Variants in CSMD3 observed in about 807,000 individuals in gnomAD.
The protein encoded by CSMD3 is CUB and sushi domain-containing protein 3.
CSMD3 carries 177 observed loss-of-function variants against 435.2 expected under a neutral mutation model. That is an observed-to-expected ratio of 0.41 (90% CI 0.36 to 0.46). The LOEUF (loss-of-function observed/expected upper bound fraction) is 0.46, where lower values mean the gene tolerates loss of function less well. CSMD3 is among the 20% of genes least tolerant of loss of function. CSMD3 has a pLI of 0.34. For missense variants in CSMD3, 4,265 were observed against 4,504.6 expected (o/e 0.95, Z 1.52); for synonymous variants, 1,656 against 1,520.5 (o/e 1.09, Z -2.07).
chr8:113,306,092 TATAG>T (rs2093818522), intron 2 of CSMD3, among the ~76,000 whole-genome samples: 1 of 152,182 alleles, frequency 6.6e-6, no homozygotes, highest in African/African-American at 2.4e-5. Context: ...TCATTAATAT[TATAG>T]ATAAATAACA....
chr8:112,542,345 G>GAAAAAAAAA (rs200297769), intron 27 of CSMD3, among the ~76,000 whole-genome samples: 1 of 83,430 alleles, frequency 1.2e-5, no homozygotes, highest in Non-Finnish European at 2.6e-5. Flanking sequence ...CCTCCAAAAT[G>GAAAAAAAAA]AAAAAAAAAA....
intron 1 of CSMD3, among the ~76,000 whole-genome samples, chr8:113,331,507 T>A (rs2132772138): frequency 1.3e-5 from 2 of 151,790 alleles, no homozygotes; most frequent in South Asian, 4.1e-4. Flanking sequence ...CAATATTCCT[T>A]ATGAATATTG....
chr8:112,348,365 A>G (rs1402599014), intron 40 of CSMD3, among the ~76,000 whole-genome samples: 1 of 152,186 alleles, frequency 6.6e-6, no homozygotes, highest in Admixed American at 6.5e-5. Flanking sequence ...AAAATCTCAC[A>G]TAAATTTTCC....
intron 22 of CSMD3, among the ~76,000 whole-genome samples, chr8:112,628,119 T>C (rs1834639857): frequency 6.6e-6 from 1 of 152,154 alleles, no homozygotes; most frequent in African/African-American, 2.4e-5. Flanking sequence ...AGGACATGTG[T>C]ATTGGTCCCT....
chr8:113,004,583 G>A (rs963832672), intron 6 of CSMD3, among the ~76,000 whole-genome samples: 1 of 151,966 alleles, frequency 6.6e-6, no homozygotes, highest in African/African-American at 2.4e-5. Context: ...GTAGGAAGAT[G>A]ATTCCATTTC....
intron 5 of CSMD3, among the ~76,000 whole-genome samples, chr8:113,077,833 G>A (rs2089408086): frequency 6.6e-6 from 1 of 152,104 alleles, no homozygotes; most frequent in African/African-American, 2.4e-5. Flanking sequence ...TATTTCTAAT[G>A]AAACAGTATG....
intron 3 of CSMD3, among the ~76,000 whole-genome samples, chr8:113,206,162 C>T (rs1171557960): frequency 6.6e-6 from 1 of 151,844 alleles, no homozygotes; most frequent in East Asian, 1.9e-4. Flanking sequence ...TTTGCTGACC[C>T]CCAAGAACGA....
intron 12 of CSMD3, among the ~76,000 whole-genome samples, chr8:112,805,655 T>C (rs1375530904): frequency 6.6e-6 from 1 of 152,218 alleles, no homozygotes; most frequent in Non-Finnish European, 1.5e-5. Flanking sequence ...TCAGAAACTT[T>C]AGTACTTTGC....
chr8:113,278,882 A>G (rs2093591956), intron 2 of CSMD3, among the ~76,000 whole-genome samples, 178 bp from the exon 3 acceptor site: 2 of 151,834 alleles, frequency 1.3e-5, no homozygotes, highest in Non-Finnish European at 2.9e-5. Flanking sequence ...TTTGGACTTC[A>G]GCCCTCCAGA....
intron 10 of CSMD3, among the ~76,000 whole-genome samples, chr8:112,883,487 GT>G (rs1320323574): frequency 4.6e-5 from 7 of 151,952 alleles, no homozygotes; most frequent in Admixed American, 3.3e-4. Context: ...CTAACAAATA[GT>G]TTAAAAAATA....
intron 1 of CSMD3, among the ~76,000 whole-genome samples, chr8:113,415,156 A>T (rs955729225): frequency 2.0e-5 from 3 of 152,198 alleles, no homozygotes; most frequent in Non-Finnish European, 4.4e-5. Context: ...TAGAGAAAAT[A>T]CGGCAGATTC....
intron 49 of CSMD3, among the ~76,000 whole-genome samples, chr8:112,312,263 GT>G (rs909358730): frequency 6.6e-6 from 1 of 151,560 alleles, no homozygotes; most frequent in Admixed American, 6.6e-5. Flanking sequence ...CAGTTTTTTG[GT>G]TTTTTTTGAG....
At chr8:113,027,336 CA>C (rs973877920) in intron 5 of CSMD3, among the ~76,000 whole-genome samples, 1 of 151,576 alleles carries the variant, frequency 6.6e-6, no homozygotes, top group Admixed American at 6.6e-5. Flanking sequence ...CAAAAATACT[CA>C]AAAAAATAAA....
chr8:113,078,276 T>A (rs966950672), intron 5 of CSMD3, among the ~76,000 whole-genome samples: 10 of 152,194 alleles, frequency 6.6e-5, no homozygotes, highest in Non-Finnish European at 1.5e-4. Context: ...TATTTATTTA[T>A]TTATTATTTA....
At chr8:112,390,268 T>C (rs763001541) in intron 36 of CSMD3, among the ~76,000 whole-genome samples, 3 of 152,330 alleles carry the variant, frequency 2.0e-5, no homozygotes, top group Non-Finnish European at 4.4e-5. Flanking sequence ...TATGTAGGGC[T>C]GTTACGCCTA....
At chr8:112,710,079 T>C (rs962891853) in intron 13 of CSMD3, among the ~76,000 whole-genome samples, 3 of 152,112 alleles carry the variant, frequency 2.0e-5, no homozygotes, top group African/African-American at 7.2e-5. Flanking sequence ...CCAGTTTCTG[T>C]GAAAAGGTAG....
intron 14 of CSMD3, among the ~76,000 whole-genome samples, chr8:112,688,972 T>C (rs2131819742): frequency 6.6e-6 from 1 of 152,170 alleles, no homozygotes; most frequent in African/African-American, 2.4e-5. Context: ...GTTGTCCTCC[T>C]AGAAGAACAC....
intron 13 of CSMD3, among the ~76,000 whole-genome samples, chr8:112,716,691 A>G (rs1203615267): frequency 2.6e-5 from 4 of 152,074 alleles, no homozygotes; most frequent in Non-Finnish European, 4.4e-5. Context: ...CAAGGCTACG[A>G]TTACCAAAAC....
intron 11 of CSMD3, among the ~76,000 whole-genome samples, chr8:112,854,970 T>C (rs1205500416): frequency 1.3e-5 from 2 of 152,270 alleles, no homozygotes; most frequent in Non-Finnish European, 2.9e-5. Context: ...TATTGAGCAC[T>C]AAAAATAAGG....
Sources: allele counts gnomAD v4.1 joint callset (sites outside exome capture counted in the v4.1 genomes callset), GRCh38; gene constraint gnomAD v4.1.1; transcripts MANE v1.5; gene names NCBI Gene and HGNC (gene_info 2026-07-23, HGNC 2026-07-21).